The following MAMLD1 variants were observed in gnomAD, a reference collection of about 807,000 sequenced individuals.
The protein encoded by MAMLD1 is mastermind-like domain-containing protein 1.
MAMLD1 carries 14 observed loss-of-function variants against 45.0 expected under a neutral mutation model. That is an observed-to-expected ratio of 0.31 (90% confidence interval 0.21 to 0.49). MAMLD1 has a LOEUF of 0.49. Ranked by LOEUF, MAMLD1 falls within the 20% of genes least tolerant of loss-of-function variation. The probability of loss-of-function intolerance (pLI) is 0.99; values close to 1 mark genes in which losing one functional copy is unlikely to be tolerated. For synonymous variants in MAMLD1, 254 were observed against 247.8 expected (o/e 1.02, Z -0.24); for missense variants, 543 against 603.6 (o/e 0.90, Z 1.05).
At chrX:150,463,136 G>T (rs2036103423) in intron 3 of MAMLD1, among the ~76,000 whole-genome samples, 1 of 112,334 alleles carries the variant, frequency 8.9e-6, no homozygotes, top group South Asian at 3.7e-4. Context: ...AGCAGAAGTG[G>T]AGTCATCTGG....
chrX:150,397,093 T>C (rs1326313349), intron 1 of MAMLD1, among the ~76,000 whole-genome samples: 11 of 112,253 alleles, frequency 9.8e-5, no homozygotes, highest in Admixed American at 2.8e-4. Flanking sequence ...TGTCGTGCAA[T>C]GTCTCCAGGT....
At chrX:150,462,977 T>C in intron 3 of MAMLD1, 131 bp downstream of exon 3, 3 of 547,007 alleles carry the variant, frequency 5.5e-6, no homozygotes, top group Non-Finnish European at 9.6e-6. Flanking sequence ...CAGGGAGAAG[T>C]GAGAAGGTTG....
intron 1 of MAMLD1, among the ~76,000 whole-genome samples, chrX:150,443,370 T>C (rs1192205517): frequency 9.2e-6 from 1 of 108,311 alleles, no homozygotes; most frequent in Non-Finnish European, 1.9e-5. Context: ...CTTCTCTCTG[T>C]TGTTCAGATT....
intron 1 of MAMLD1, among the ~76,000 whole-genome samples, chrX:150,409,955 G>C (rs1776990154): frequency 8.9e-6 from 1 of 112,444 alleles, no homozygotes; most frequent in Non-Finnish European, 1.9e-5. Context: ...ACATAGAAAT[G>C]GTATGTGGAT....
At chrX:150,464,251 G>A (rs1016403815) in intron 3 of MAMLD1, among the ~76,000 whole-genome samples, 1 of 111,532 alleles carries the variant, frequency 9.0e-6, no homozygotes, top group African/African-American at 3.3e-5. Flanking sequence ...GGTTCAGGGC[G>A]AATCAGGGAC....
intron 6 of MAMLD1, among the ~76,000 whole-genome samples, chrX:150,507,216 C>T (rs2037756149): frequency 8.9e-6 from 1 of 112,434 alleles, no homozygotes. Context: ...GAGCAGAAAG[C>T]GAGTGTCCCA....
chrX:150,509,670 A>C (rs1456454513), intron 6 of MAMLD1: 1 of 344,744 alleles, frequency 2.9e-6, no homozygotes, highest in Non-Finnish European at 5.1e-6. Flanking sequence ...GCAGATGGAC[A>C]TCCAAAATGC....
intron 1 of MAMLD1, among the ~76,000 whole-genome samples, chrX:150,398,876 T>A (rs1557402352): frequency 9.0e-6 from 1 of 111,458 alleles, no homozygotes; most frequent in African/African-American, 3.3e-5. Context: ...CAGAATCTCA[T>A]GCACTCTTTA....
chrX:150,423,193 C>T (rs1406438209), intron 1 of MAMLD1, among the ~76,000 whole-genome samples: 2 of 112,354 alleles, frequency 1.8e-5, no homozygotes, highest in African/African-American at 6.5e-5. Flanking sequence ...ACTGTTTCTA[C>T]ACTCTGAGGC....
intron 5 of MAMLD1, among the ~76,000 whole-genome samples, chrX:150,500,014 A>G (rs1422717154): frequency 8.9e-6 from 1 of 112,362 alleles, no homozygotes; most frequent in Non-Finnish European, 1.9e-5. Context: ...CCAAGCTAGT[A>G]ACATAGTAAA....
At chrX:150,444,478 C>T (rs1341161569) in intron 1 of MAMLD1, among the ~76,000 whole-genome samples, 1 of 111,933 alleles carries the variant, frequency 8.9e-6, no homozygotes, top group Non-Finnish European at 1.9e-5. Context: ...GCCACTGCAT[C>T]ATTGCTCAGG....
chrX:150,448,913 G>A (rs989207983), intron 2 of MAMLD1, among the ~76,000 whole-genome samples: 9 of 111,823 alleles, frequency 8.0e-5, no homozygotes, highest in Non-Finnish European at 1.3e-4. Context: ...CCTCCAGCTC[G>A]GAGCAGGTAC....
chrX:150,450,623 G>A (rs1434106568), intron 2 of MAMLD1, among the ~76,000 whole-genome samples: 1 of 111,566 alleles, frequency 9.0e-6, no homozygotes, highest in Non-Finnish European at 1.9e-5. Flanking sequence ...AGGTGTGGTT[G>A]TGCACGTGTT....
intron 1 of MAMLD1, among the ~76,000 whole-genome samples, chrX:150,441,811 T>C (rs992883884): frequency 1.8e-5 from 2 of 111,729 alleles, no homozygotes; most frequent in Admixed American, 1.9e-4. Context: ...TGAAACCTGT[T>C]GTTGGGCTCT....
chrX:150,504,619 G>T (rs2037668598), intron 6 of MAMLD1: 1 of 571,110 alleles, frequency 1.8e-6, no homozygotes, highest in African/African-American at 2.5e-5. Flanking sequence ...GTCCCCTCAG[G>T]ATGTCGCTGT....
At chrX:150,445,397 G>T in intron 1 of MAMLD1, 57 bp from the exon 2 acceptor site, 1 of 527,573 alleles carries the variant, frequency 1.9e-6, no homozygotes, top group Non-Finnish European at 3.4e-6. Flanking sequence ...TGTGATTCAC[G>T]GGGTCAGTGG....
At chrX:150,415,523 A>T (rs2034227176) in intron 1 of MAMLD1, among the ~76,000 whole-genome samples, 2 of 112,721 alleles carry the variant, frequency 1.8e-5, no homozygotes, top group Non-Finnish European at 3.7e-5. Flanking sequence ...ATAAGCAAAA[A>T]GAGGAAGGAT....
At chrX:150,490,885 A>G (rs2037163719) in intron 5 of MAMLD1, among the ~76,000 whole-genome samples, 1 of 112,396 alleles carries the variant, frequency 8.9e-6, no homozygotes, top group Non-Finnish European at 1.9e-5. Flanking sequence ...TCAGTCTATG[A>G]AAAGCAATCA....
At chrX:150,497,323 G>A (rs1485561269) in intron 5 of MAMLD1, among the ~76,000 whole-genome samples, 3 of 87,102 alleles carry the variant, frequency 3.4e-5, no homozygotes, top group East Asian at 3.4e-4. Flanking sequence ...TCACTTTGTC[G>A]CCCAGGCTGG....
Sources: gnomAD v4.1 joint callset for allele counts (sites outside exome capture counted in the v4.1 genomes callset) on GRCh38, gnomAD v4.1.1 for gene constraint, MANE v1.5 for transcripts, NCBI Gene and HGNC (gene_info 2026-07-23, HGNC 2026-07-21) for gene names.